JAK1: variants seen among roughly 807,000 people sequenced by gnomAD.
The protein encoded by JAK1 is Janus kinase 1.
A neutral mutation model predicts 136.6 loss-of-function variants in JAK1; 16 were observed. That is an observed-to-expected ratio of 0.12 (90% CI 0.08 to 0.18). The LOEUF is 0.18. Among genes scored for constraint, JAK1 ranks in the 10% least tolerant of loss-of-function variants. The pLI, the probability that JAK1 is intolerant of heterozygous loss-of-function variation, is 1.00. For synonymous variants in JAK1, 492 were observed against 519.5 expected (o/e 0.95, Z 0.72); for missense variants, 859 against 1,450.1 (o/e 0.59, Z 6.62).
intron 1 of JAK1, among the ~76,000 whole-genome samples, chr1:64,932,474 G>C (rs909336368): frequency 4.6e-5 from 7 of 152,012 alleles, no homozygotes; most frequent in Non-Finnish European, 1.0e-4. Context: ...ATTAACCAAA[G>C]GTAATCTAGC....
chr1:64,971,066 G>GT (rs1646447838), upstream of JAK1, among the ~76,000 whole-genome samples: 1 of 152,250 alleles, frequency 6.6e-6, no homozygotes, highest in South Asian at 2.1e-4. Flanking sequence ...AAACAATGAT[G>GT]TTTTTTCAAC....
chr1:65,039,414 TTA>T (rs1647109199), intron 2 of JAK1, among the ~76,000 whole-genome samples: 1 of 152,164 alleles, frequency 6.6e-6, no homozygotes, highest in African/African-American at 2.4e-5. Context: ...GTTAAATACA[TTA>T]TATGTGTTAT....
chr1:64,887,645 A>G (rs985790216), intron 1 of JAK1, among the ~76,000 whole-genome samples: 1 of 152,214 alleles, frequency 6.6e-6, no homozygotes, highest in Admixed American at 6.5e-5. Flanking sequence ...ACAAAGAGCT[A>G]AAATGCTATG....
intron 3 of JAK1, among the ~76,000 whole-genome samples, chr1:64,881,018 C>T (rs1644764113): frequency 6.6e-6 from 1 of 151,830 alleles, no homozygotes; most frequent in African/African-American, 2.4e-5. Context: ...CCTGTAATCC[C>T]AAAACTTCAG....
rs1287333843 is a variant in JAK1 at position 64,833,482 on chromosome 1, A to ATGAC, written c.*1076_*1079dup. 10 of 233,068 alleles carry ATGAC rather than the reference A, an allele frequency of 4.3e-5. No homozygotes were observed. Among genetic ancestry groups the ATGAC allele is most frequent in the South Asian group, 1.8e-4 (1 of 5,524 alleles). 14.4% of individuals were successfully genotyped at this position (233,068 alleles called of 1,614,324 possible). A position where few individuals can be genotyped will look rare whatever the true frequency, so the allele number is the denominator to read the frequency against. ...GACCGTAATCGTTCACATTGAATCA[A>ATGAC]TGACTAAACATTTTTGATTACCCAG... On this transcript the variant is annotated 3_prime_UTR_variant, in exon 25 of 25. Coordinates refer to ENST00000342505, the MANE Select transcript of JAK1 (RefSeq NM_002227.4).
intron 4 of JAK1, among the ~76,000 whole-genome samples, chr1:64,875,421 G>A (rs564291334): frequency 5.2e-4 from 79 of 152,344 alleles, no homozygotes; most frequent in African/African-American, 1.8e-3. Context: ...GAGCAATGCC[G>A]TGAGCTGTGC....
chr1:64,841,436 C>T lies in JAK1; in HGVS notation c.2554+15G>A, dbSNP rs1418948034. On this transcript the variant is annotated intron_variant, in intron 18 of 24. Coordinates refer to ENST00000342505, the MANE Select transcript of JAK1 (RefSeq NM_002227.4). ...CTCCCCAAGCTGGGTTAAAGCAGCACATGGCAGGTCTTACTCTGCTCTTCA... is the reference window on the plus strand; with the variant it reads ...CTCCCCAAGCTGGGTTAAAGCAGCATATGGCAGGTCTTACTCTGCTCTTCA... The T allele has an allele frequency of 1.2e-6, 2 of 1,614,038 alleles. No individual in the cohort carries two copies. The highest frequency in any genetic ancestry group is 1.3e-5 in the African/African-American group (1 of 74,922).
chr1:64,953,222 T>G (rs550208554), intron 1 of JAK1, among the ~76,000 whole-genome samples: 1 of 152,356 alleles, frequency 6.6e-6, no homozygotes, highest in East Asian at 1.9e-4. Context: ...TGGGTAACTT[T>G]CGTTAAATGC....
intron 2 of JAK1, among the ~76,000 whole-genome samples, chr1:65,021,987 A>C (rs1024571752): frequency 6.6e-6 from 1 of 152,206 alleles, no homozygotes; most frequent in South Asian, 2.1e-4. Flanking sequence ...GGAAACAGCA[A>C]TAACACAACG....
At chr1:64,988,956 ATGTATGTATG>A in intron 2 of JAK1, among the ~76,000 whole-genome samples, 1 of 114,894 alleles carries the variant, frequency 8.7e-6, no homozygotes, top group Non-Finnish European at 1.6e-5. Context: ...GTGTATATAT[ATGTATGTATG>A]TATATATATA....
rs747908282 is a variant in JAK1, at chr1:65,010,512, G to T, written c.-78+33968C>A. 2.8e-4 allele frequency among the ~76,000 whole-genome samples: 42 copies of T among 152,226 alleles called. 1 individual carries two copies. The highest frequency in any genetic ancestry group is 5.7e-4 in the Non-Finnish European group (39 of 68,040). On this transcript the variant is annotated intron_variant, in intron 2 of 25. Coordinates refer to the JAK1 transcript ENST00000671954. ...AAGTTGATCCTCCGGCCTCAGTCAT[G>T]CCTTCTGATGACTGCAGCCCAGCTT... is the stretch of plus-strand genomic sequence containing the variant.
At chr1:64,845,149 G>A (rs1223834644) in intron 15 of JAK1, among the ~76,000 whole-genome samples, 1 of 152,104 alleles carries the variant, frequency 6.6e-6, no homozygotes, top group Admixed American at 6.6e-5. Context: ...TCTGTGAAAC[G>A]CCTGAACAGC....
chr1:64,957,111 T>C (rs1449028721), intron 1 of JAK1, among the ~76,000 whole-genome samples: 2 of 152,038 alleles, frequency 1.3e-5, no homozygotes, highest in Admixed American at 1.3e-4. Context: ...GGCAGTCAGT[T>C]TGCAAAGGGT....
chr1:64,894,908 A>C (rs1351008983), intron 1 of JAK1, among the ~76,000 whole-genome samples: 3 of 152,318 alleles, frequency 2.0e-5, no homozygotes, highest in African/African-American at 7.2e-5. Flanking sequence ...CCCTGCCAAC[A>C]AAGACTCCAA....
At chr1:64,941,343 G>A (rs1645886752) in intron 1 of JAK1, among the ~76,000 whole-genome samples, 1 of 152,038 alleles carries the variant, frequency 6.6e-6, no homozygotes, top group South Asian at 2.1e-4. Context: ...CTTAACTCTA[G>A]AGAAACACTT....
At chr1:64,849,657 C>T (rs918163968) in intron 12 of JAK1, among the ~76,000 whole-genome samples, 9 of 152,264 alleles carry the variant, frequency 5.9e-5, no homozygotes, top group South Asian at 2.1e-4. Flanking sequence ...GCTGAAGCAG[C>T]AATCGTGCCT....
Position 64,869,428 on chromosome 1 carries a change from T to C in JAK1, c.530A>G (p.Lys177Arg). Residue 177 changes from lysine to arginine, a missense_variant, in exon 6 of 25, where the codon AAG becomes AGG. By Grantham distance (26) the Lys-to-Arg change is conservative. Transcript: ENST00000342505. ...VKCLAPIRDP[K>R]TEQDGHDIEN... The stretch of plus-strand genomic sequence containing the variant: ...AATATCATGTCCATCCTGCTCGGTC[T>C]TGGGGTCTCGAATAGGAGCCAGGCA... The C allele has an allele frequency of 6.2e-7, 1 of 1,614,024 alleles. No homozygotes were observed. Among genetic ancestry groups the C allele is most frequent in the Non-Finnish European group, 8.5e-7 (1 of 1,179,946 alleles).
rs111659847 is a variant in JAK1 at position 65,038,388 on chromosome 1, G to A, written c.-78+6092C>T. ...TAATTTTTGCATTTTTAGTAGAGACGGGGCTTCCCCATGTTGGTCAGGCTG... is the reference window on the plus strand; with the variant it reads ...TAATTTTTGCATTTTTAGTAGAGACAGGGCTTCCCCATGTTGGTCAGGCTG... On this transcript the variant is annotated intron_variant, in intron 2 of 25. Coordinates refer to the JAK1 transcript ENST00000671954. 5.5e-4 allele frequency among the ~76,000 whole-genome samples: 83 copies of A among 151,526 alleles called. 2 individuals are homozygous for A. The highest frequency in any genetic ancestry group is 3.4e-3 in the Middle Eastern group (1 of 294).
At chr1:64,906,529 C>T (rs926158058) in intron 1 of JAK1, among the ~76,000 whole-genome samples, 1 of 152,176 alleles carries the variant, frequency 6.6e-6, no homozygotes, top group Non-Finnish European at 1.5e-5. Flanking sequence ...TCACATCCCA[C>T]ATCTAAACCA....
Sources: allele counts gnomAD v4.1 joint callset (sites outside exome capture counted in the v4.1 genomes callset), GRCh38; gene constraint gnomAD v4.1.1; transcripts MANE v1.5; gene names NCBI Gene and HGNC (gene_info 2026-07-23, HGNC 2026-07-21).